The following SPOUT1 variants were observed in gnomAD, a reference collection of about 807,000 sequenced individuals.
SPOUT1 encodes the protein 28S rRNA (uridine-N(3))-methyltransferase.
Under a neutral mutation model 54.8 loss-of-function variants are expected in SPOUT1, and 40 were observed. The ratio of observed to expected loss-of-function variants is 0.73; its 90% CI spans 0.57 to 0.95. The LOEUF (loss-of-function observed/expected upper bound fraction) is 0.95. Among genes scored for constraint, SPOUT1 ranks in the 40% least tolerant of loss-of-function variants. The pLI, the probability that SPOUT1 is intolerant of heterozygous loss-of-function variation, is 0.00. For missense variants in SPOUT1, 437 were observed against 499.5 expected (o/e 0.87, Z 1.19); for synonymous variants, 193 against 200.3 (o/e 0.96, Z 0.31).
Position 128,826,972 on chromosome 9 carries a change from C to T in SPOUT1, c.368+60G>A, listed in dbSNP as rs1282467715. The T allele has an allele frequency of 3.2e-6, 5 of 1,549,678 alleles. No individual in the cohort carries two copies. The East Asian group carries it at 6.7e-5, about 21-fold the overall frequency. The stretch of plus-strand genomic sequence containing the variant: ...GGACGGGGCCATGGTGAAGCCTCGG[C>T]CCATCCCGGCAGCCCCTCCCTCTCC... On this transcript the variant is annotated intron_variant, in intron 4 of 11. Coordinates refer to ENST00000361256, the MANE Select transcript of SPOUT1 (RefSeq NM_016390.4). This position sits in a 1 kb window ranked among gnomAD's most constrained non-coding sequence, Gnocchi z 5.5.
intron 3 of SPOUT1, among the ~76,000 whole-genome samples, chr9:128,827,885 C>G (rs1830272101): frequency 6.6e-6 from 1 of 152,206 alleles, no homozygotes; most frequent in Non-Finnish European, 1.5e-5. Context: ...CGAGCCACTG[C>G]ACTCCAGCCT....
chr9:128,826,429 G>T lies in SPOUT1; in HGVS notation c.463C>A (p.Leu155Met), dbSNP rs1222017618. The change falls in exon 6 of 12, where the codon CTG (leucine) becomes ATG (methionine). Residue 155 changes from leucine to methionine, a missense_variant. Coordinates refer to ENST00000361256, the MANE Select transcript of SPOUT1 (RefSeq NM_016390.4). The surrounding 1 kb of genome is among the most constrained non-coding windows in gnomAD (Gnocchi z 5.5). ...ILQYLECPQYLRKAFFPKHQD... is the reference protein window; with the variant it reads ...ILQYLECPQYMRKAFFPKHQD... Reference sequence around the variant, plus strand: ...TGCTTGGGGAAGAACGCCTTCCTCAGGTACCTAGGAAAGAATGCTGACCTC... The same window carrying T: ...TGCTTGGGGAAGAACGCCTTCCTCATGTACCTAGGAAAGAATGCTGACCTC... The T allele has an allele frequency of 6.2e-7, 1 of 1,613,942 alleles. No homozygotes were observed. The highest frequency in any genetic ancestry group is 1.3e-5 in the African/African-American group (1 of 74,878).
In SPOUT1 at chr9:128,823,888, A is replaced by G. The variant is rs370548514; in HGVS notation, c.921T>C (p.Ala307=). The part of the protein sequence containing the change: ...ASAQLPNFRH[A]LVVFGGLQGL... ...CCTGGAGGCCCCCGAACACCACAAG[A>G]GCATGCCTGGCCCATGTAAGAGGGG... Residue 307 remains alanine, a synonymous_variant, in exon 11 of 12, where the codon GCT becomes GCC. Transcript: ENST00000361256. 1.9e-6 allele frequency: 3 copies of G among 1,613,072 alleles called. No individual in the cohort carries two copies. The highest frequency in any genetic ancestry group is 2.5e-6 in the Non-Finnish European group (3 of 1,179,852).
Position 128,822,070 on chromosome 9 carries a change from T to C in SPOUT1, c.*695A>G. ...GAATGTGAATATTCAGAAGGCTCGA[T>C]TCTCCTAGCAGCGTTTATTGTCGCC... On this transcript the variant is annotated 3_prime_UTR_variant, in exon 12 of 12. Transcript: ENST00000361256. 1.8e-6 allele frequency: 1 copy of C among 542,554 alleles called. No individual in the cohort carries two copies. The highest frequency in any genetic ancestry group is 3.3e-6 in the Non-Finnish European group (1 of 301,586). The allele number at this position is 542,554 out of a possible 1,614,324, so 33.6% of individuals were successfully genotyped here.
rs893067265 is a variant in SPOUT1 at position 128,821,696 on chromosome 9, T to G, written c.*1069A>C. 1.3e-5 allele frequency: 2 copies of G among 156,656 alleles called. No individual in the cohort carries two copies. Among genetic ancestry groups the G allele is most frequent in the African/African-American group, 4.8e-5 (2 of 41,464 alleles). 9.7% of individuals were successfully genotyped at this position (156,656 alleles called of 1,614,324 possible). On this transcript the variant is annotated 3_prime_UTR_variant, in exon 12 of 12. Transcript: ENST00000361256. ...CACTCTGGAATCCACAGGCTCGGGA[T>G]GGAGTCCAGGCCTCATCACCTAGTT...
In SPOUT1 at chr9:128,822,487, C is replaced by T; in HGVS notation, c.*278G>A. ...TGCCCAACGCACCTGTGGATGAGGC[C>T]ATCCCACTGGAGCGCTTCCTGGTGC... is the stretch of plus-strand genomic sequence containing the variant. On this transcript the variant is annotated 3_prime_UTR_variant, in exon 12 of 12. Coordinates refer to ENST00000361256, the MANE Select transcript of SPOUT1 (RefSeq NM_016390.4). 6.4e-7 allele frequency: 1 copy of T among 1,566,014 alleles called. No individual in the cohort carries two copies. Among genetic ancestry groups the T allele is most frequent in the Non-Finnish European group, 8.7e-7 (1 of 1,154,894 alleles).
At chr9:128,823,931 C>T (rs376310986) in intron 10 of SPOUT1, 37 bp from the exon 11 acceptor site, 24 of 1,608,600 alleles carry the variant, frequency 1.5e-5, no homozygotes, top group East Asian at 4.5e-5. Context: ...GAGCGGCCAC[C>T]GAGGCCCCAC....
chr9:128,829,093 T>A lies in SPOUT1; in HGVS notation c.82+17A>T, dbSNP rs2293967. 56,736 of 1,611,488 alleles carry A rather than the reference T, an allele frequency of 0.035. 1,142 individuals carry two copies. Among genetic ancestry groups the A allele is most frequent in the Middle Eastern group, 0.07 (424 of 6,054 alleles). On this transcript the variant is annotated intron_variant, in intron 2 of 11. Transcript: ENST00000361256. ...GGAGTGGCCTATGGGAAGATACTCTTACCCACCCTTACTTACTCTGTTGCT... is the reference window on the plus strand; with the variant it reads ...GGAGTGGCCTATGGGAAGATACTCTAACCCACCCTTACTTACTCTGTTGCT...
In SPOUT1 at chr9:128,827,189, G is replaced by T. The variant is rs184933307; in HGVS notation, c.211C>A (p.Arg71=). Reference sequence around the variant, plus strand: ...AGGGCTACGCTCAGTGTGTAGGGCCGCCCTGAGCAGGGGAGGGATGTTCCC... The same window carrying T: ...AGGGCTACGCTCAGTGTGTAGGGCCTCCCTGAGCAGGGGAGGGATGTTCCC... ...EAAAEKEDRG[R]PYTLSVALPG... is the part of the protein sequence containing the mutation. Residue 71 remains arginine, a splice_region_variant and synonymous_variant, in exon 4 of 12, where the codon CGG becomes AGG. Transcript: ENST00000361256. 151 of 1,609,714 alleles carry T rather than the reference G, an allele frequency of 9.4e-5. No individual in the cohort carries two copies. In the East Asian group the frequency reaches 2.7e-3, roughly 28 times the overall value.
rs770191609 is a variant in SPOUT1, at chr9:128,826,157, G to T, written c.509-5C>A. 4.4e-6 allele frequency: 7 copies of T among 1,601,540 alleles called. No individual in the cohort carries two copies. In the African/African-American group the frequency reaches 8.0e-5, roughly 18 times the overall value. On this transcript the variant is annotated splice_polypyrimidine_tract_variant and splice_region_variant and intron_variant, in intron 6 of 11. Coordinates refer to ENST00000361256, the MANE Select transcript of SPOUT1 (RefSeq NM_016390.4). The surrounding 1 kb of genome is among the most constrained non-coding windows in gnomAD (Gnocchi z 5.5). ...TGTCCAGGGGGTTCAGGAGCCCTGT[G>T]GAGGCAGAGCCGGGAAGAGTCTGGG...
intron 9 of SPOUT1, 105 bp from the exon 10 acceptor site, chr9:128,824,279 G>GGTGTGT (rs72464832): frequency 1.1e-4 from 54 of 496,048 alleles, no homozygotes; most frequent in Admixed American, 3.0e-4. Context: ...AGAGCTGTGT[G>GGTGTGT]GTGTGTGTGT....
intron 3 of SPOUT1, among the ~76,000 whole-genome samples, chr9:128,827,951 T>A (rs1352358856): frequency 6.6e-6 from 1 of 152,080 alleles, no homozygotes; most frequent in Non-Finnish European, 1.5e-5. Flanking sequence ...AAGAAGCACA[T>A]AGATAACATG....
intron 7 of SPOUT1, among the ~76,000 whole-genome samples, chr9:128,825,535 T>G (rs1428493690): frequency 6.6e-6 from 1 of 152,292 alleles, no homozygotes; most frequent in East Asian, 1.9e-4. Context: ...TTTCACCATA[T>G]TGGCCAGGTT....
Position 128,826,878 on chromosome 9 carries a change from G to A in SPOUT1, c.368+154C>T, listed in dbSNP as rs1483763766. On this transcript the variant is annotated intron_variant, in intron 4 of 11. Coordinates refer to ENST00000361256, the MANE Select transcript of SPOUT1 (RefSeq NM_016390.4). The surrounding 1 kb of genome is among the most constrained non-coding windows in gnomAD (Gnocchi z 5.5). ...CCTCTGTAGTCATCACCCCCACCTG[G>A]CAACTCTACCCACTAAGGATTACAC... Among the ~76,000 whole-genome samples the A allele has an allele frequency of 6.6e-6, 1 of 152,140 alleles. No homozygotes were observed. The highest frequency in any genetic ancestry group is 2.4e-5 in the African/African-American group (1 of 41,420).
In SPOUT1 at chr9:128,822,562, C is replaced by G; in HGVS notation, c.*203G>C. On this transcript the variant is annotated 3_prime_UTR_variant, in exon 12 of 12. Coordinates refer to ENST00000361256, the MANE Select transcript of SPOUT1 (RefSeq NM_016390.4). Reference sequence around the variant, plus strand: ...CGGGGCTGCTCTTTGTGCCAAACATCCTGGCGCGGGCAGGCAGCCTCAAGG... The same window carrying G: ...CGGGGCTGCTCTTTGTGCCAAACATGCTGGCGCGGGCAGGCAGCCTCAAGG... 13 of 1,564,544 alleles carry G rather than the reference C, an allele frequency of 8.3e-6. No individual in the cohort carries two copies. The highest frequency in any genetic ancestry group is 1.1e-5 in the Non-Finnish European group (13 of 1,154,226).
Position 128,826,439 on chromosome 9 carries a change from A to G in SPOUT1, c.459-6T>C, listed in dbSNP as rs1830243025. The G allele has an allele frequency of 1.2e-6, 2 of 1,613,832 alleles. No homozygotes were observed. The highest frequency in any genetic ancestry group is 1.3e-5 in the African/African-American group (1 of 74,972). On this transcript the variant is annotated splice_polypyrimidine_tract_variant and splice_region_variant and intron_variant, in intron 5 of 11. Coordinates refer to ENST00000361256, the MANE Select transcript of SPOUT1 (RefSeq NM_016390.4). This position sits in a 1 kb window ranked among gnomAD's most constrained non-coding sequence, Gnocchi z 5.5. ...AGAACGCCTTCCTCAGGTACCTAGG[A>G]AAGAATGCTGACCTCAGGATGTTCC... is the stretch of plus-strand genomic sequence containing the variant.
At chr9:128,823,372 C>T (rs1457857469) in intron 11 of SPOUT1, among the ~76,000 whole-genome samples, 4 of 152,180 alleles carry the variant, frequency 2.6e-5, no homozygotes, top group Non-Finnish European at 5.9e-5. Flanking sequence ...TGGCTTCCCC[C>T]GTGGGACAGA....
At position 128,827,033 on chromosome 9, in the gene SPOUT1, T is replaced by C. The variant is rs368805800; in HGVS notation, c.367A>G (p.Lys123Glu). Residue 123 changes from lysine to glutamate, a missense_variant and splice_region_variant, in exon 4 of 12, where the codon AAG becomes GAG. Physicochemically the swap from Lys to Glu is moderately conservative, Grantham distance 56. Coordinates refer to ENST00000361256, the MANE Select transcript of SPOUT1 (RefSeq NM_016390.4). ...GCACCCTGTGGGATGGCCCCTTACT[T>C]GGCATCCTGGCCCTCCTCATCAAAC... ...VVFDEEGQDA[K>E]TVEGEFTGVG... The C allele has an allele frequency of 3.1e-6, 5 of 1,613,458 alleles. No individual in the cohort carries two copies. The African/African-American group carries it at 6.7e-5, about 22-fold the overall frequency.
intron 3 of SPOUT1, among the ~76,000 whole-genome samples, chr9:128,827,911 AC>A (rs1407465906): frequency 3.9e-5 from 6 of 152,310 alleles, no homozygotes; most frequent in Non-Finnish European, 8.8e-5. Flanking sequence ...ACAGAGCGAG[AC>A]TGTGTCTCAA....
Sources: allele counts gnomAD v4.1 joint callset (sites outside exome capture counted in the v4.1 genomes callset), GRCh38; gene constraint gnomAD v4.1.1; non-coding constraint Gnocchi (gnomAD v3.1); transcripts MANE v1.5; gene names NCBI Gene and HGNC (gene_info 2026-07-23, HGNC 2026-07-21).